Variants in ZEB1 observed in about 807,000 individuals in gnomAD.
ZEB1 encodes zinc finger E-box binding homeobox 1, also known as zinc finger E-box-binding homeobox 1.
ZEB1 carries 21 observed loss-of-function variants against 84.9 expected under a neutral mutation model. The observed-to-expected ratio is 0.25, with a 90% confidence interval of 0.18 to 0.36. The LOEUF (loss-of-function observed/expected upper bound fraction) is 0.36. Among genes scored for constraint, ZEB1 ranks in the 10% least tolerant of loss-of-function variants. ZEB1 has a pLI of 1.00. For missense variants in ZEB1, 1,104 were observed against 1,330.2 expected (o/e 0.83, Z 2.65); for synonymous variants, 420 against 471.1 (o/e 0.89, Z 1.41).
intron 1 of ZEB1, among the ~76,000 whole-genome samples, chr10:31,347,058 T>C (rs2040440161): frequency 6.6e-6 from 1 of 152,196 alleles, no homozygotes; most frequent in South Asian, 2.1e-4. Flanking sequence ...TCAGCTTTAA[T>C]AATGAGGACC....
intron 1 of ZEB1, among the ~76,000 whole-genome samples, chr10:31,440,385 T>G (rs1159567914): frequency 1.3e-5 from 2 of 152,066 alleles, no homozygotes; most frequent in Non-Finnish European, 2.9e-5. Flanking sequence ...CTCAATAAAT[T>G]AGGTATTGAT....
chr10:31,357,632 T>A (rs1293548516), intron 1 of ZEB1, among the ~76,000 whole-genome samples: 1 of 152,144 alleles, frequency 6.6e-6, no homozygotes, highest in Non-Finnish European at 1.5e-5. Flanking sequence ...GGTTTTTTTT[T>A]AAAGCTAGGA....
At chr10:31,363,523 C>A (rs1365522764) in intron 1 of ZEB1, 18 of 1,529,482 alleles carry the variant, frequency 1.2e-5, no homozygotes, top group Admixed American at 2.0e-5. Flanking sequence ...ACAGGGGCCC[C>A]TTTTATTGTC....
At chr10:31,460,534 A>T (rs2061690280) in intron 1 of ZEB1, among the ~76,000 whole-genome samples, 1 of 152,078 alleles carries the variant, frequency 6.6e-6, no homozygotes, top group Non-Finnish European at 1.5e-5. Context: ...CAAAGCCCTA[A>T]TTGTACATAA....
At chr10:31,445,811 G>C (rs541875797) in intron 1 of ZEB1, among the ~76,000 whole-genome samples, 5 of 106,252 alleles carry the variant, frequency 4.7e-5, no homozygotes, top group African/African-American at 1.9e-4. Flanking sequence ...TGCTGGATTC[G>C]GTTTGCCAGT....
intron 1 of ZEB1, among the ~76,000 whole-genome samples, chr10:31,441,187 T>C (rs954927010): frequency 6.6e-6 from 1 of 152,170 alleles, no homozygotes; most frequent in Non-Finnish European, 1.5e-5. Flanking sequence ...CAAAACAGCA[T>C]GGTACTGGTA....
chr10:31,319,041 G>GC (rs551915708), upstream of ZEB1: 161 of 630,030 alleles, frequency 2.6e-4, no homozygotes, highest in African/African-American at 2.7e-3. Flanking sequence ...GCCGCAAACC[G>GC]CCCGGTCCCT....
intron 1 of ZEB1, among the ~76,000 whole-genome samples, chr10:31,325,237 G>A (rs957987425): frequency 6.6e-6 from 1 of 151,898 alleles, no homozygotes; most frequent in South Asian, 2.1e-4. Context: ...CATTAATTTT[G>A]TTAAAGCATA....
chr10:31,318,809 G>C (rs1260550190), upstream of ZEB1: 4 of 324,392 alleles, frequency 1.2e-5, no homozygotes, highest in Non-Finnish European at 2.4e-5. Context: ...GGTACAGGGA[G>C]AATCAGCCAG....
chr10:31,516,016 T>A (rs1352248300), intron 6 of ZEB1, among the ~76,000 whole-genome samples: 1 of 152,096 alleles, frequency 6.6e-6, no homozygotes, highest in Non-Finnish European at 1.5e-5. Context: ...ATTCATTTTG[T>A]CATATTGCAG....
rs1415522015 is a variant in ZEB1, at chr10:31,379,726, C to A, written c.58+60434C>A. ...AAAGGCTTGAATTAAAAAAAAAAAA[C>A]CTTAGTGTAAAAAATTTCAGGCATA... On this transcript the variant is annotated intron_variant, in intron 1 of 8. Transcript: ENST00000424869. 2.0e-5 allele frequency among the ~76,000 whole-genome samples: 3 copies of A among 151,036 alleles called. No homozygotes were observed. The East Asian group carries it at 5.8e-4, about 29-fold the overall frequency.
chr10:31,327,409 CAT>C (rs2035798410), intron 1 of ZEB1, among the ~76,000 whole-genome samples: 2 of 152,312 alleles, frequency 1.3e-5, no homozygotes, highest in South Asian at 2.1e-4. Flanking sequence ...CTGCACCTGA[CAT>C]ATAATTTACT....
At position 31,466,906 on chromosome 10, in the gene ZEB1, A is replaced by G. The variant is rs556373538; in HGVS notation, c.259+5669A>G. Reference sequence around the variant, plus strand: ...ATCCAAATAGAATAATAAATGAAAAATGAGGAGAGGGATTAAAGATGGCCA... The same window carrying G: ...ATCCAAATAGAATAATAAATGAAAAGTGAGGAGAGGGATTAAAGATGGCCA... On this transcript the variant is annotated intron_variant, in intron 2 of 8. Transcript: ENST00000424869. Among the ~76,000 whole-genome samples, 3 of 152,314 alleles carry G rather than the reference A, an allele frequency of 2.0e-5. No individual in the cohort carries two copies. The South Asian group carries it at 6.2e-4, about 32-fold the overall frequency.
chr10:31,502,301 T>C, intron 3 of ZEB1, 47 bp from the exon 4 acceptor site: 2 of 1,591,516 alleles, frequency 1.3e-6, no homozygotes, highest in South Asian at 2.2e-5. Context: ...ACCTTTGTAA[T>C]AACTTAGTGG....
At chr10:31,423,962 C>A (rs528124009) in intron 1 of ZEB1, among the ~76,000 whole-genome samples, 4 of 152,050 alleles carry the variant, frequency 2.6e-5, no homozygotes, top group African/African-American at 9.6e-5. Context: ...CTGTAATGAT[C>A]AATTTTTAGA....
intron 1 of ZEB1, among the ~76,000 whole-genome samples, chr10:31,424,935 C>T (rs186065967): frequency 1.3e-5 from 2 of 151,998 alleles, no homozygotes; most frequent in African/African-American, 2.4e-5. Context: ...AGACAGAGTA[C>T]GGTCCTTAAG....
At chr10:31,499,539 T>C (rs1287284412) in intron 3 of ZEB1, among the ~76,000 whole-genome samples, 5 of 152,232 alleles carry the variant, frequency 3.3e-5, no homozygotes, top group African/African-American at 1.2e-4. Context: ...ACTCAGTGTG[T>C]CAATACATAT....
At chr10:31,443,849 C>T (rs1319901901) in intron 1 of ZEB1, among the ~76,000 whole-genome samples, 5 of 151,214 alleles carry the variant, frequency 3.3e-5, no homozygotes, top group South Asian at 2.1e-4. Flanking sequence ...TCTTTGCTAT[C>T]GTGAATAGTG....
Position 31,444,419 on chromosome 10 carries a change from G to T in ZEB1, c.59-16618G>T, listed in dbSNP as rs768739387. ...CTGTGCAGAAGCTCTTTAGTTTAATGAGATCCCATTTGTCAATTTTGTCTT... is the reference window on the plus strand; with the variant it reads ...CTGTGCAGAAGCTCTTTAGTTTAATTAGATCCCATTTGTCAATTTTGTCTT... On this transcript the variant is annotated intron_variant, in intron 1 of 8. Transcript: ENST00000424869. 3.4e-4 allele frequency among the ~76,000 whole-genome samples: 51 copies of T among 151,910 alleles called. 1 individual carries two copies. The highest frequency in any genetic ancestry group is 5.1e-4 in the Non-Finnish European group (35 of 67,968).
Sources: allele counts gnomAD v4.1 joint callset (sites outside exome capture counted in the v4.1 genomes callset), GRCh38; gene constraint gnomAD v4.1.1; transcripts MANE v1.5; gene names NCBI Gene and HGNC (gene_info 2026-07-23, HGNC 2026-07-21).